RANBP2: variants seen among roughly 807,000 people sequenced by gnomAD.
RANBP2 encodes RAN binding protein 2, also known as E3 SUMO-protein ligase RanBP2.
Under a neutral mutation model 303.6 loss-of-function variants are expected in RANBP2, and 57 were observed. That is an observed-to-expected ratio of 0.19 (90% CI 0.15 to 0.23). The LOEUF (loss-of-function observed/expected upper bound fraction) is 0.23. Among genes scored for constraint, RANBP2 ranks in the 10% least tolerant of loss-of-function variants. The pLI, the probability that RANBP2 is intolerant of heterozygous loss-of-function variation, is 1.00. For missense variants in RANBP2, 3,138 were observed against 3,780.8 expected (o/e 0.83, Z 4.46); for synonymous variants, 1,167 against 1,301.5 (o/e 0.90, Z 2.23).
the RANBP2 span, among the ~76,000 whole-genome samples, chr2:109,551,736 T>C: frequency 5.4e-4 from 83 of 152,364 alleles, no homozygotes; most frequent in African/African-American, 1.8e-3. Flanking sequence ...TTCATTTACA[T>C]AGCAAGTACT....
the RANBP2 span, among the ~76,000 whole-genome samples, chr2:109,429,520 C>T: frequency 6.6e-6 from 1 of 152,184 alleles, no homozygotes; most frequent in Non-Finnish European, 1.5e-5. Flanking sequence ...CATCTCCCTA[C>T]GCGTTGGCCA....
At chr2:109,330,360 T>C in the RANBP2 span, among the ~76,000 whole-genome samples, 1 of 152,260 alleles carries the variant, frequency 6.6e-6, no homozygotes, top group Admixed American at 6.5e-5. Context: ...CTTCCTTCTT[T>C]TTTTTTTCTT....
chr2:108,776,492 GTACCT>G (rs1215453820), intron 24 of RANBP2, among the ~76,000 whole-genome samples: 4 of 152,202 alleles, frequency 2.6e-5, no homozygotes, highest in African/African-American at 9.6e-5. Flanking sequence ...ATTGCTTTGT[GTACCT>G]TACCTACTTT....
At chr2:109,659,101 G>T in the RANBP2 span, among the ~76,000 whole-genome samples, 4 of 149,082 alleles carry the variant, frequency 2.7e-5, no homozygotes, top group Non-Finnish European at 5.9e-5. Flanking sequence ...TCACAGCCAA[G>T]CGCAGTGGCT....
the RANBP2 span, among the ~76,000 whole-genome samples, chr2:109,676,947 A>G: frequency 6.6e-6 from 1 of 152,166 alleles, no homozygotes; most frequent in Non-Finnish European, 1.5e-5. Context: ...TGAATTTGAG[A>G]AAAAAATGTA....
chr2:109,404,692 C>T, the RANBP2 span, among the ~76,000 whole-genome samples: 1 of 152,142 alleles, frequency 6.6e-6, no homozygotes, highest in Non-Finnish European at 1.5e-5. Context: ...CTCCCAGCAC[C>T]TTTGCGGAAG....
the RANBP2 span, among the ~76,000 whole-genome samples, chr2:108,862,077 G>GTTTTTTTTTTTT: frequency 1.4e-5 from 2 of 141,386 alleles, no homozygotes; most frequent in Non-Finnish European, 3.0e-5. Context: ...TATGATTTCA[G>GTTTTTTTTTTTT]TTTTTTTTTT....
At chr2:109,514,448 T>A in the RANBP2 span, among the ~76,000 whole-genome samples, 1 of 152,142 alleles carries the variant, frequency 6.6e-6, no homozygotes, top group African/African-American at 2.4e-5. Flanking sequence ...CAGACCTCCA[T>A]GGATGAAAGG....
chr2:109,524,444 C>CAAAAAAA, the RANBP2 span, among the ~76,000 whole-genome samples: 92 of 84,384 alleles, frequency 1.1e-3, 1 homozygote, highest in African/African-American at 5.2e-3. Context: ...GACCCTGTCT[C>CAAAAAAA]AAAAAAAAAA....
chr2:109,201,224 T>G, the RANBP2 span, among the ~76,000 whole-genome samples: 696 of 152,370 alleles, frequency 4.6e-3, 5 homozygotes, highest in African/African-American at 0.015. Flanking sequence ...TTGCCTCTTC[T>G]GCACTTAAAA....
chr2:109,542,480 G>C, the RANBP2 span, among the ~76,000 whole-genome samples: 2 of 152,198 alleles, frequency 1.3e-5, no homozygotes, highest in African/African-American at 4.8e-5. Flanking sequence ...GTTCTTCAGA[G>C]TTAAGGAGAG....
the RANBP2 span, among the ~76,000 whole-genome samples, chr2:109,114,107 G>A: frequency 6.6e-6 from 1 of 152,056 alleles, no homozygotes; most frequent in African/African-American, 2.4e-5. Flanking sequence ...TTTTTTGGTT[G>A]TGTCTCTGCC....
the RANBP2 span, among the ~76,000 whole-genome samples, chr2:109,348,853 A>G: frequency 6.6e-6 from 1 of 152,128 alleles, no homozygotes; most frequent in South Asian, 2.1e-4. Flanking sequence ...TGACAGAGCC[A>G]GAATCCTAAT....
At chr2:109,229,822 CTTTCTT>C in the RANBP2 span, among the ~76,000 whole-genome samples, 1,439 of 124,972 alleles carry the variant, frequency 0.012, 10 homozygotes, top group East Asian at 0.03. Context: ...TTTTCTTTTT[CTTTCTT>C]TTTTTTTTTT....
At chr2:109,755,177 C>G in the RANBP2 span, among the ~76,000 whole-genome samples, 1 of 115,352 alleles carries the variant, frequency 8.7e-6, no homozygotes, top group African/African-American at 3.6e-5. Context: ...CTTAAGATTT[C>G]AGATGCTAGG....
At chr2:108,719,909 T>A (rs1034979180) in intron 1 of RANBP2, among the ~76,000 whole-genome samples, 5 of 150,552 alleles carry the variant, frequency 3.3e-5, no homozygotes, top group African/African-American at 1.2e-4. Flanking sequence ...TTCTCCCGGC[T>A]TGTTCCCGAC....
At chr2:108,814,250 G>T in the RANBP2 span, among the ~76,000 whole-genome samples, 2 of 152,082 alleles carry the variant, frequency 1.3e-5, no homozygotes, top group South Asian at 2.1e-4. Flanking sequence ...CAAAGTTTTG[G>T]TTGCTCCACA....
chr2:109,474,669 T>C, the RANBP2 span, among the ~76,000 whole-genome samples: 2 of 152,218 alleles, frequency 1.3e-5, no homozygotes, highest in Non-Finnish European at 2.9e-5. Context: ...CTGGACAGCA[T>C]CGGGCCAGCC....
Position 108,775,745 on chromosome 2 carries a change from A to C in RANBP2, c.8306A>C (p.Glu2769Ala), listed in dbSNP as rs766478245. The C allele has an allele frequency of 2.5e-6, 4 of 1,613,770 alleles. No homozygotes were observed. In the South Asian group the frequency reaches 4.4e-5, roughly 18 times the overall value. ...KVQEAQKSQT[E>A]EITSTTDSVY... ...TCCTCTTTGCAGAAATCTCAGACAGAAGAAATAACTAGCACAACTGACAGT... is the reference window on the plus strand; with the variant it reads ...TCCTCTTTGCAGAAATCTCAGACAGCAGAAATAACTAGCACAACTGACAGT... The change falls in exon 24 of 29, where the codon GAA (glutamate) becomes GCA (alanine). Residue 2769 changes from glutamate to alanine, a missense_variant. Glu to Ala is a moderately radical substitution (Grantham distance 107). Around this residue, in one of 20 missense-constraint regions of RANBP2, gnomAD observed 497 missense variants for 465.8 expected, o/e 1.07. Coordinates refer to ENST00000283195, the MANE Select transcript of RANBP2 (RefSeq NM_006267.5).
Sources: gnomAD v4.1 joint callset for allele counts (sites outside exome capture counted in the v4.1 genomes callset) on GRCh38, gnomAD v4.1.1 for gene constraint, gnomAD v4.1.1 regional missense constraint, MANE v1.5 for transcripts, NCBI Gene and HGNC (gene_info 2026-07-23, HGNC 2026-07-21) for gene names.